CHL1: variants seen among roughly 807,000 people sequenced by gnomAD.
CHL1 encodes the protein cell adhesion molecule L1 like.
CHL1 carries 96 observed loss-of-function variants against 141.9 expected under a neutral mutation model. The ratio of observed to expected loss-of-function variants is 0.68; its 90% CI spans 0.57 to 0.80. The LOEUF is 0.80. Among genes scored for constraint, CHL1 ranks in the 30% least tolerant of loss-of-function variants. The pLI is 0.00. For synonymous variants in CHL1, 613 were observed against 502.2 expected, an observed-to-expected ratio of 1.22 and a Z score of -2.95; for missense variants, 1,820 against 1,457.2, an observed-to-expected ratio of 1.25 and a Z score of -4.05.
At position 250,924 on chromosome 3, in the gene CHL1, T is replaced by C. The variant is rs146810422; in HGVS notation, c.-95+6232T>C. On this transcript the variant is annotated intron_variant, in intron 2 of 27. Coordinates refer to ENST00000256509, the MANE Select transcript of CHL1 (RefSeq NM_006614.4). Reference sequence around the variant, plus strand: ...AAGGCATTTATTCAACGATTGTTTTTGTGTGGCTGTTAAGAGCCACAGGGT... The same window carrying C: ...AAGGCATTTATTCAACGATTGTTTTCGTGTGGCTGTTAAGAGCCACAGGGT... 4.3e-3 allele frequency among the ~76,000 whole-genome samples: 653 copies of C among 152,296 alleles called. 2 individuals carry two copies. The highest frequency in any genetic ancestry group is 0.015 in the African/African-American group (616 of 41,574).
At chr3:366,195 G>A in intron 15 of CHL1, 80 bp downstream of exon 15, 2 of 1,364,350 alleles carry the variant, frequency 1.5e-6, no homozygotes, top group Non-Finnish European at 2.1e-6. Flanking sequence ...TCTAGGTCGG[G>A]CATGCTGACT....
At chr3:328,595 T>A (rs879489058) in intron 5 of CHL1, 2 of 350,002 alleles carry the variant, frequency 5.7e-6, no homozygotes, top group Non-Finnish European at 1.0e-5. Flanking sequence ...AAATATAATA[T>A]CTGCTTTGCC....
intron 2 of CHL1, among the ~76,000 whole-genome samples, chr3:291,228 G>A (rs566634982): frequency 2.6e-5 from 4 of 151,918 alleles, no homozygotes; most frequent in South Asian, 2.1e-4. Context: ...TATTAATAAG[G>A]GGGAAAACCT....
intron 2 of CHL1, 28 bp from the exon 3 acceptor site, chr3:319,655 T>C (rs555383462): frequency 1.8e-6 from 1 of 549,824 alleles, no homozygotes. Context: ...GTTTGTGAAC[T>C]AACATGTTAT....
rs532921147 is a variant in CHL1, at chr3:398,442, C to T, written c.3253+57C>T. The T allele has an allele frequency of 9.9e-6, 11 of 1,112,270 alleles. No homozygotes were observed. The East Asian group carries it at 1.9e-4, about 20-fold the overall frequency. 68.9% of individuals were successfully genotyped at this position (1,112,270 alleles called of 1,614,324 possible). ...TAGTCAATCTATGTCCTGTAGAATA[C>T]TTAGTGTTGCCTGTGTCCTATATTA... is the stretch of plus-strand genomic sequence containing the variant. On this transcript the variant is annotated intron_variant, in intron 25 of 27. Transcript: ENST00000256509.
chr3:202,608 G>A (rs903510749), intron 1 of CHL1, among the ~76,000 whole-genome samples: 5 of 152,232 alleles, frequency 3.3e-5, no homozygotes, highest in Admixed American at 1.3e-4. Context: ...ACGCCCTAAT[G>A]TACCAATATT....
intron 12 of CHL1, among the ~76,000 whole-genome samples, chr3:361,123 G>T (rs1704205433): frequency 6.6e-6 from 1 of 151,862 alleles, no homozygotes; most frequent in Non-Finnish European, 1.5e-5. Flanking sequence ...AATGGGGAAA[G>T]GAATCCCTAT....
intron 26 of CHL1, 57 bp downstream of exon 26, chr3:399,205 A>G (rs1394249013): frequency 2.8e-6 from 4 of 1,453,966 alleles, no homozygotes; most frequent in East Asian, 4.6e-5. Context: ...TCTGGGAAGC[A>G]TTCTTCAGAG....
chr3:232,200 G>C (rs564218877), intron 1 of CHL1, among the ~76,000 whole-genome samples: 1 of 152,232 alleles, frequency 6.6e-6, no homozygotes, highest in Non-Finnish European at 1.5e-5. Flanking sequence ...ATCTCATTCT[G>C]TGTATTGGCA....
In CHL1 at chr3:349,452, G is replaced by C. The variant is rs778482355; in HGVS notation, c.942G>C (p.Glu314Asp). 5.6e-6 allele frequency: 9 copies of C among 1,613,902 alleles called. No homozygotes were observed. Among genetic ancestry groups the C allele is most frequent in the Non-Finnish European group, 6.8e-6 (8 of 1,179,808 alleles). Reference protein sequence around the residue: ...KENYGKTLKIENVSYQDKGNY... With the variant: ...KENYGKTLKIDNVSYQDKGNY... The stretch of plus-strand genomic sequence containing the variant: ...ATTATGGCAAGACTTTGAAGATAGA[G>C]AATGTCTCCTACCAGGACAAAGGAA... Residue 314 changes from glutamate (E) to aspartate (D), a missense_variant, in exon 10 of 28, where the codon GAG (glutamate) becomes GAC (aspartate). Coordinates refer to ENST00000256509, the MANE Select transcript of CHL1 (RefSeq NM_006614.4).
At chr3:259,803 T>G (rs916673731) in intron 2 of CHL1, among the ~76,000 whole-genome samples, 8 of 152,192 alleles carry the variant, frequency 5.3e-5, no homozygotes, top group African/African-American at 1.9e-4. Context: ...GATTGCATAT[T>G]CAGATTTTTG....
intron 2 of CHL1, chr3:247,886 T>C (rs1378903749): frequency 6.6e-6 from 1 of 152,174 alleles, no homozygotes; most frequent in African/African-American, 2.4e-5. Flanking sequence ...TCAGCAATGA[T>C]GCTACCCCAT....
intron 2 of CHL1, among the ~76,000 whole-genome samples, chr3:282,404 A>T (rs967307577): frequency 6.6e-5 from 10 of 152,148 alleles, no homozygotes; most frequent in African/African-American, 2.4e-4. Flanking sequence ...ACAATATTTT[A>T]ATACTTTCTT....
At chr3:322,645 AATAT>A (rs4002786) in intron 3 of CHL1, among the ~76,000 whole-genome samples, 3,573 of 130,164 alleles carry the variant, frequency 0.027, 178 homozygotes, top group African/African-American at 0.092. Flanking sequence ...ATATATATAA[AATAT>A]ATATATATAT....
chr3:205,440 G>A (rs1028766939), intron 1 of CHL1, among the ~76,000 whole-genome samples: 12 of 152,134 alleles, frequency 7.9e-5, no homozygotes, highest in African/African-American at 2.7e-4. Context: ...GAAGAAAAGA[G>A]CAACATTGTA....
intron 2 of CHL1, among the ~76,000 whole-genome samples, chr3:308,248 C>T (rs1699420806): frequency 6.6e-6 from 1 of 152,168 alleles, no homozygotes; most frequent in Admixed American, 6.5e-5. Context: ...GTATGAAATT[C>T]ATTCGTTCAT....
chr3:338,812 T>C (rs1702137206), intron 5 of CHL1, among the ~76,000 whole-genome samples: 1 of 152,196 alleles, frequency 6.6e-6, no homozygotes, highest in Non-Finnish European at 1.5e-5. Flanking sequence ...AAATTTACAT[T>C]TTCAGAATTA....
intron 1 of CHL1, among the ~76,000 whole-genome samples, chr3:236,537 G>A (rs530942500): frequency 1.1e-4 from 17 of 152,192 alleles, no homozygotes; most frequent in Middle Eastern, 3.4e-3. Flanking sequence ...GTGTCTCTCC[G>A]TTTTTGGAAG....
At chr3:240,208 C>A (rs1692417760) in intron 1 of CHL1, among the ~76,000 whole-genome samples, 1 of 152,178 alleles carries the variant, frequency 6.6e-6, no homozygotes, top group East Asian at 1.9e-4. Flanking sequence ...GACATTCTCA[C>A]CAGCAGTGTA....
Sources: allele counts gnomAD v4.1 joint callset (sites outside exome capture counted in the v4.1 genomes callset), GRCh38; gene constraint gnomAD v4.1.1; transcripts MANE v1.5; gene names NCBI Gene and HGNC (gene_info 2026-07-23, HGNC 2026-07-21).